SLC22A16: variants seen among roughly 807,000 people sequenced by gnomAD.
SLC22A16 encodes WUGSC:RG331P03.1.
Under a neutral mutation model 52.9 loss-of-function variants are expected in SLC22A16, and 53 were observed. That is an observed-to-expected ratio of 1.00 (90% CI 0.80 to 1.26). The LOEUF is 1.26. Ranked by LOEUF, SLC22A16 falls within the 50% of genes most tolerant of loss-of-function variation. The probability of loss-of-function intolerance (pLI) is 0.00; values close to 1 mark genes in which losing one functional copy is unlikely to be tolerated. For missense variants in SLC22A16, 726 were observed against 704.0 expected (o/e 1.03, Z -0.35); for synonymous variants, 291 against 268.8 (o/e 1.08, Z -0.81).
rs777076322 is a variant in SLC22A16 at position 110,456,655 on chromosome 6, G to C, written c.416C>G (p.Thr139Ser). The C allele has an allele frequency of 6.2e-7, 1 of 1,614,178 alleles. No individual in the cohort carries two copies. Among genetic ancestry groups the C allele is most frequent in the Non-Finnish European group, 8.5e-7 (1 of 1,180,038 alleles). ...YIYDQNTWKS[T>S]AVTQWNLVCD... ...GACCAGGTTCCACTGGGTCACCGCAGTGCTTTTCCATGTGTTCTGGTCATA... is the reference window on the plus strand; with the variant it reads ...GACCAGGTTCCACTGGGTCACCGCACTGCTTTTCCATGTGTTCTGGTCATA... Residue 139 changes from threonine (T) to serine (S), a missense_variant, in exon 2 of 8, where the codon ACT becomes AGT. Thr to Ser is a moderately conservative substitution (Grantham distance 58). Transcript: ENST00000368919.
intron 1 of SLC22A16, among the ~76,000 whole-genome samples, chr6:110,475,400 G>C (rs1429444787): frequency 6.6e-6 from 1 of 152,198 alleles, no homozygotes; most frequent in Non-Finnish European, 1.5e-5. Context: ...ATTAAAGGAA[G>C]TAACATGTAC....
rs755619354 is a variant in SLC22A16 at position 110,438,756 on chromosome 6, A to G, written c.1275T>C (p.Ser425=). The G allele has an allele frequency of 4.3e-6, 7 of 1,614,114 alleles. No homozygotes were observed. The East Asian group carries it at 1.3e-4, about 31-fold the overall frequency. Residue 425 remains serine (S), a synonymous_variant, in exon 5 of 8, where the codon AGT becomes AGC. Transcript: ENST00000368919. ...RTVLAYSLFC[S]ALACGVVMVI... The stretch of plus-strand genomic sequence containing the variant: ...CCATAACGACACCACAGGCCAGTGC[A>G]CTGCAGAAAAGAGAGTAGGCCAGGA...
At position 110,425,052 on chromosome 6, in the gene SLC22A16, C is replaced by G; in HGVS notation, c.1555G>C (p.Val519Leu). 6.2e-7 allele frequency: 1 copy of G among 1,614,176 alleles called. No individual in the cohort carries two copies. Among genetic ancestry groups the G allele is most frequent in the Non-Finnish European group, 8.5e-7 (1 of 1,180,030 alleles). ...FVGTMALLSG[V>L]LTLKLPETLG... Reference sequence around the variant, plus strand: ...GTTTCTGGAAGCTTTAGTGTTAACACTCCACTCAGGAGGGCCATAGTCCCA... The same window carrying G: ...GTTTCTGGAAGCTTTAGTGTTAACAGTCCACTCAGGAGGGCCATAGTCCCA... The change falls in exon 8 of 8, where the codon GTG becomes CTG. Residue 519 changes from valine to leucine, a missense_variant. By Grantham distance (32) the Val-to-Leu change is conservative. Transcript: ENST00000368919.
At chr6:110,452,026 CCTG>C (rs1775398849) in intron 2 of SLC22A16, among the ~76,000 whole-genome samples, 2 of 152,166 alleles carry the variant, frequency 1.3e-5, no homozygotes, top group East Asian at 3.8e-4. Context: ...TGATCCTTTT[CCTG>C]CTAATATAAA....
chr6:110,434,324 C>T (rs1774629830), intron 6 of SLC22A16, among the ~76,000 whole-genome samples: 1 of 152,052 alleles, frequency 6.6e-6, no homozygotes. Flanking sequence ...TGTCTTGCAC[C>T]AGGTACTTGA....
Position 110,456,630 on chromosome 6 carries a change from G to A in SLC22A16, c.441C>T (p.Val147=). The A allele has an allele frequency of 6.2e-7, 1 of 1,614,168 alleles. No homozygotes were observed. Among genetic ancestry groups the A allele is most frequent in the Non-Finnish European group, 8.5e-7 (1 of 1,180,038 alleles). ...GCATTGCAAGCCATTTTCGGTCACA[G>A]ACCAGGTTCCACTGGGTCACCGCAG... ...KSTAVTQWNL[V]CDRKWLAMLI... Residue 147 remains valine (V), a synonymous_variant, in exon 2 of 8, where the codon GTC becomes GTT. Transcript: ENST00000368919.
intron 2 of SLC22A16, 169 bp downstream of exon 2, chr6:110,456,369 C>T: frequency 1.1e-6 from 1 of 894,710 alleles, no homozygotes; most frequent in Non-Finnish European, 1.7e-6. Flanking sequence ...GTCTTCAGAG[C>T]CTATCCTTAT....
chr6:110,430,059 A>G (rs933152989), intron 7 of SLC22A16, among the ~76,000 whole-genome samples: 67 of 152,104 alleles, frequency 4.4e-4, no homozygotes, highest in African/African-American at 1.5e-3. Context: ...TTTATTCTGA[A>G]GCTGACAGGG....
At chr6:110,446,297 A>T (rs1775168606) in intron 3 of SLC22A16, among the ~76,000 whole-genome samples, 1 of 152,202 alleles carries the variant, frequency 6.6e-6, no homozygotes, top group African/African-American at 2.4e-5. Flanking sequence ...GCGGTTGTTT[A>T]TACTTAATCT....
At chr6:110,476,315 C>T in intron 1 of SLC22A16, 1 of 1,374,462 alleles carries the variant, frequency 7.3e-7, no homozygotes, top group Non-Finnish European at 9.4e-7. Context: ...CCTCTGCTCA[C>T]CATGCCAGGT....
chr6:110,442,516 G>T lies in SLC22A16; in HGVS notation c.911C>A (p.Ala304Glu), dbSNP rs778274742. Residue 304 changes from alanine to glutamate, a missense_variant, in exon 4 of 8, where the codon GCA becomes GAA. Coordinates refer to ENST00000368919, the MANE Select transcript of SLC22A16 (RefSeq NM_033125.4). ...WLLSEGRYEE[A>E]QKIVDIMAKW... ...GGCCATGATGTCAACTATTTTTTGTGCTTCTTCATATCGTCCCTCTGAGAG... is the reference window on the plus strand; with the variant it reads ...GGCCATGATGTCAACTATTTTTTGTTCTTCTTCATATCGTCCCTCTGAGAG... 11 of 1,614,130 alleles carry T rather than the reference G, an allele frequency of 6.8e-6. No homozygotes were observed. The highest frequency in any genetic ancestry group is 9.3e-6 in the Non-Finnish European group (11 of 1,180,028).
chr6:110,450,541 G>A (rs1344802182), intron 2 of SLC22A16, among the ~76,000 whole-genome samples: 1 of 148,284 alleles, frequency 6.7e-6, no homozygotes, highest in Admixed American at 6.8e-5. Context: ...GAACCTGGGA[G>A]GCAGAAGTTG....
chr6:110,443,714 G>A (rs1775063290), intron 3 of SLC22A16, among the ~76,000 whole-genome samples: 1 of 152,200 alleles, frequency 6.6e-6, no homozygotes, highest in South Asian at 2.1e-4. Context: ...GGGTCTGGAA[G>A]AGATGTTTGC....
At chr6:110,430,272 C>T (rs1242246941) in intron 7 of SLC22A16, among the ~76,000 whole-genome samples, 2 of 152,022 alleles carry the variant, frequency 1.3e-5, no homozygotes, top group Admixed American at 1.3e-4. Flanking sequence ...TATCCTTAAC[C>T]AAAAGTGGAA....
At chr6:110,447,725 G>A (rs1775230183) in intron 2 of SLC22A16, among the ~76,000 whole-genome samples, 1 of 152,174 alleles carries the variant, frequency 6.6e-6, no homozygotes, top group African/African-American at 2.4e-5. Context: ...AGATTTGCCT[G>A]TTCTGGACAT....
intron 7 of SLC22A16, among the ~76,000 whole-genome samples, chr6:110,426,361 T>TAGTA (rs1215326537): frequency 6.6e-6 from 1 of 152,130 alleles, no homozygotes; most frequent in Non-Finnish European, 1.5e-5. Flanking sequence ...CTTAGCTTGG[T>TAGTA]AGTAAGCCTA....
At chr6:110,463,034 A>C (rs1487342040) in intron 1 of SLC22A16, among the ~76,000 whole-genome samples, 1 of 151,050 alleles carries the variant, frequency 6.6e-6, no homozygotes, top group African/African-American at 2.4e-5. Context: ...TAAGCCTCAT[A>C]AAAGAAGGAG....
chr6:110,476,190 G>T, intron 1 of SLC22A16: 1 of 479,824 alleles, frequency 2.1e-6, no homozygotes. Context: ...CTACGAGTGA[G>T]ATCTGGCCCC....
chr6:110,474,680 G>C (rs1057219402), intron 1 of SLC22A16, among the ~76,000 whole-genome samples: 1 of 152,242 alleles, frequency 6.6e-6, no homozygotes, highest in African/African-American at 2.4e-5. Context: ...GTAGTGAGCT[G>C]TCACCATGGG....
Sources: gnomAD v4.1 joint callset for allele counts (sites outside exome capture counted in the v4.1 genomes callset) on GRCh38, gnomAD v4.1.1 for gene constraint, MANE v1.5 for transcripts, NCBI Gene and HGNC (gene_info 2026-07-23, HGNC 2026-07-21) for gene names.